The following GALNTL6 variants were observed in gnomAD, a reference collection of about 807,000 sequenced individuals.
GALNTL6 encodes polypeptide N-acetylgalactosaminyltransferase like 6.
Under a neutral mutation model 73.7 loss-of-function variants are expected in GALNTL6, and 46 were observed. The ratio of observed to expected loss-of-function variants is 0.62; its 90% CI spans 0.49 to 0.80. The LOEUF is 0.80. Among genes scored for constraint, GALNTL6 ranks in the 30% least tolerant of loss-of-function variants. The probability of loss-of-function intolerance (pLI) is 0.00; values close to 1 mark genes in which losing one functional copy is unlikely to be tolerated. For missense variants in GALNTL6, 604 were observed against 755.0 expected (o/e 0.80, Z 2.34); for synonymous variants, 259 against 263.7 (o/e 0.98, Z 0.17).
intron 5 of GALNTL6, among the ~76,000 whole-genome samples, chr4:172,586,975 GGTACAGCAAAGAAAT>G (rs1266941172): frequency 6.6e-6 from 1 of 152,100 alleles, no homozygotes; most frequent in African/African-American, 2.4e-5. Context: ...AACAGTGTAA[GGTACAGCAAAGAAAT>G]GTATTGATTT....
chr4:172,359,591 A>G (rs1473965485), intron 5 of GALNTL6, among the ~76,000 whole-genome samples: 13 of 152,180 alleles, frequency 8.5e-5, no homozygotes, highest in African/African-American at 2.9e-4. Flanking sequence ...AGTTTTAGCC[A>G]AACATTACCC....
intron 5 of GALNTL6, among the ~76,000 whole-genome samples, chr4:172,683,071 C>A (rs1035922204): frequency 2.6e-5 from 4 of 152,164 alleles, no homozygotes; most frequent in Admixed American, 2.6e-4. Flanking sequence ...CTGTTTCCTG[C>A]GTTCATTTCT....
At chr4:171,978,337 T>C (rs767171678) in intron 2 of GALNTL6, among the ~76,000 whole-genome samples, 1 of 152,286 alleles carries the variant, frequency 6.6e-6, no homozygotes, top group Non-Finnish European at 1.5e-5. Context: ...TGTGATGTTC[T>C]CATTGGGTGA....
At chr4:172,532,832 C>A (rs1735209886) in intron 5 of GALNTL6, among the ~76,000 whole-genome samples, 1 of 151,962 alleles carries the variant, frequency 6.6e-6, no homozygotes, top group South Asian at 2.1e-4. Context: ...GTTAATTGCA[C>A]TAGATAAGTT....
intron 2 of GALNTL6, among the ~76,000 whole-genome samples, chr4:172,036,278 G>A (rs1486762932): frequency 6.6e-6 from 1 of 151,958 alleles, no homozygotes; most frequent in African/African-American, 2.4e-5. Flanking sequence ...TGAGTCTCTC[G>A]ATTACCTTTC....
chr4:171,940,749 C>T (rs903706852), intron 2 of GALNTL6, among the ~76,000 whole-genome samples: 4 of 151,516 alleles, frequency 2.6e-5, no homozygotes, highest in African/African-American at 9.7e-5. Flanking sequence ...ACCCGGGAGG[C>T]GGAGCTTGCA....
intron 2 of GALNTL6, among the ~76,000 whole-genome samples, chr4:171,867,459 T>C (rs575168691): frequency 1.3e-5 from 2 of 152,340 alleles, no homozygotes; most frequent in Admixed American, 6.5e-5. Flanking sequence ...TCTTTGCTCC[T>C]TCACTTCCAA....
chr4:172,461,651 T>C (rs2111444136), intron 5 of GALNTL6, among the ~76,000 whole-genome samples: 1 of 152,318 alleles, frequency 6.6e-6, no homozygotes, highest in South Asian at 2.1e-4. Context: ...TCCTATTGCT[T>C]TACTAAATTG....
intron 2 of GALNTL6, among the ~76,000 whole-genome samples, chr4:171,857,438 T>C (rs1735722340): frequency 6.6e-6 from 1 of 152,106 alleles, no homozygotes; most frequent in South Asian, 2.1e-4. Flanking sequence ...GGCTTTAACA[T>C]AGAGAATCTT....
intron 2 of GALNTL6, among the ~76,000 whole-genome samples, chr4:171,977,670 T>A (rs923679814): frequency 6.6e-6 from 1 of 152,142 alleles, no homozygotes; most frequent in Non-Finnish European, 1.5e-5. Context: ...AACACACAAA[T>A]TTTGTGAGGG....
intron 2 of GALNTL6, among the ~76,000 whole-genome samples, chr4:172,084,585 G>T (rs1482244771): frequency 2.0e-5 from 3 of 152,190 alleles, no homozygotes; most frequent in Admixed American, 1.3e-4. Context: ...TTAACTGTGG[G>T]TGAATTTATA....
At chr4:172,845,522 C>A (rs1270594914) in intron 7 of GALNTL6, among the ~76,000 whole-genome samples, 1 of 152,118 alleles carries the variant, frequency 6.6e-6, no homozygotes, top group Non-Finnish European at 1.5e-5. Flanking sequence ...TTCCTGATGC[C>A]GGCTTTGAAT....
intron 2 of GALNTL6, among the ~76,000 whole-genome samples, chr4:172,185,848 A>G (rs1235305469): frequency 6.6e-6 from 1 of 152,214 alleles, no homozygotes; most frequent in African/African-American, 2.4e-5. Context: ...GTAATATAGC[A>G]TTGTAAAAAG....
chr4:172,480,308 G>A (rs992130850), intron 5 of GALNTL6, among the ~76,000 whole-genome samples: 4 of 151,172 alleles, frequency 2.6e-5, no homozygotes, highest in African/African-American at 9.7e-5. Context: ...GCGAGGCCCT[G>A]TCTCAAAAAA....
intron 2 of GALNTL6, among the ~76,000 whole-genome samples, chr4:172,167,943 G>A (rs1219072702): frequency 6.9e-6 from 1 of 144,706 alleles, no homozygotes; most frequent in Non-Finnish European, 1.5e-5. Flanking sequence ...TCCGGCCTGG[G>A]CAACAGAGCG....
intron 8 of GALNTL6, among the ~76,000 whole-genome samples, chr4:172,885,370 T>C (rs1745666146): frequency 6.6e-6 from 1 of 152,194 alleles, no homozygotes; most frequent in Admixed American, 6.5e-5. Flanking sequence ...CTATTATAAA[T>C]GGGATTGTTT....
At chr4:172,478,468 AATTAAACTGG>A (rs1358216344) in intron 5 of GALNTL6, among the ~76,000 whole-genome samples, 1 of 152,180 alleles carries the variant, frequency 6.6e-6, no homozygotes, top group Non-Finnish European at 1.5e-5. Flanking sequence ...TAGGCAGAAG[AATTAAACTGG>A]ATCCATTTCT....
At chr4:172,202,287 T>C (rs1297551105) in intron 2 of GALNTL6, among the ~76,000 whole-genome samples, 2 of 152,158 alleles carry the variant, frequency 1.3e-5, no homozygotes, top group Non-Finnish European at 2.9e-5. Context: ...TTAAGGCAAA[T>C]GATGCTTTCT....
intron 2 of GALNTL6, among the ~76,000 whole-genome samples, chr4:172,155,956 A>G (rs1442785595): frequency 2.0e-5 from 3 of 152,158 alleles, no homozygotes; most frequent in Admixed American, 2.0e-4. Context: ...ATTAATATTT[A>G]CATACTTCAA....
Sources: allele counts gnomAD v4.1 joint callset (sites outside exome capture counted in the v4.1 genomes callset), GRCh38; gene constraint gnomAD v4.1.1; transcripts MANE v1.5; gene names NCBI Gene and HGNC (gene_info 2026-07-23, HGNC 2026-07-21).